MTMR7: variants seen among roughly 807,000 people sequenced by gnomAD.
MTMR7 encodes the protein myotubularin related protein 7, also known as phosphatidylinositol-3-phosphate phosphatase MTMR7.
A neutral mutation model predicts 81.2 loss-of-function variants in MTMR7; 76 were observed. The observed-to-expected ratio is 0.94, with a 90% CI of 0.78 to 1.13. MTMR7 has a LOEUF of 1.13. Among genes scored for constraint, MTMR7 ranks in the 50% most tolerant of loss-of-function variants. The probability of loss-of-function intolerance (pLI) is 0.00; values close to 1 mark genes in which losing one functional copy is unlikely to be tolerated. For synonymous variants in MTMR7, 372 were observed against 289.8 expected, an observed-to-expected ratio of 1.28 and a Z score of -2.88; for missense variants, 1,044 against 820.0, an observed-to-expected ratio of 1.27 and a Z score of -3.34.
chr8:17,362,982 A>T (rs1820103312), intron 3 of MTMR7, among the ~76,000 whole-genome samples: 1 of 152,240 alleles, frequency 6.6e-6, no homozygotes, highest in Non-Finnish European at 1.5e-5. Context: ...TATGTCAGTG[A>T]GATAAATTAT....
chr8:17,301,446 G>A (rs1189004289), intron 13 of MTMR7, among the ~76,000 whole-genome samples: 6 of 152,154 alleles, frequency 3.9e-5, no homozygotes, highest in African/African-American at 1.4e-4. Flanking sequence ...CACAAAGGTA[G>A]GAAGGTCTAA....
chr8:17,398,571 C>A (rs1485813110), intron 1 of MTMR7, among the ~76,000 whole-genome samples: 2 of 151,942 alleles, frequency 1.3e-5, no homozygotes, highest in Non-Finnish European at 2.9e-5. Context: ...AAGCCTCAAA[C>A]GGGCAAATCT....
intron 3 of MTMR7, among the ~76,000 whole-genome samples, chr8:17,369,934 C>T (rs1022939164): frequency 1.3e-5 from 2 of 151,940 alleles, no homozygotes; most frequent in African/African-American, 4.8e-5. Context: ...TGTGAGCCAC[C>T]GCGTCAGGCC....
At chr8:17,407,314 T>G (rs563217525) in intron 1 of MTMR7, among the ~76,000 whole-genome samples, 1 of 152,154 alleles carries the variant, frequency 6.6e-6, no homozygotes, top group African/African-American at 2.4e-5. Flanking sequence ...CCCCTTTAAA[T>G]TAGCAAAAAA....
At chr8:17,374,678 T>A (rs1251996347) in intron 1 of MTMR7, among the ~76,000 whole-genome samples, 1 of 151,912 alleles carries the variant, frequency 6.6e-6, no homozygotes, top group Non-Finnish European at 1.5e-5. Flanking sequence ...CCTGGGGTGG[T>A]AGCAGGTGCC....
chr8:17,405,949 T>C (rs1181283413), intron 1 of MTMR7, among the ~76,000 whole-genome samples: 5 of 152,142 alleles, frequency 3.3e-5, no homozygotes, highest in South Asian at 2.1e-4. Context: ...AATGTTAATA[T>C]ATACACAGCA....
At chr8:17,368,874 ATC>A (rs1820319557) in intron 3 of MTMR7, among the ~76,000 whole-genome samples, 2 of 152,340 alleles carry the variant, frequency 1.3e-5, no homozygotes, top group Admixed American at 6.5e-5. Context: ...AGCCAGTCAG[ATC>A]TCTGTCTACA....
chr8:17,373,395 G>A (rs569918045), intron 1 of MTMR7, among the ~76,000 whole-genome samples, 155 bp from the exon 2 acceptor site: 14 of 152,246 alleles, frequency 9.2e-5, no homozygotes, highest in South Asian at 4.1e-4. Context: ...TAAGTTAATC[G>A]GATCTCAGAG....
chr8:17,315,478 C>T (rs1352108287), intron 7 of MTMR7, among the ~76,000 whole-genome samples: 1 of 152,074 alleles, frequency 6.6e-6, no homozygotes, highest in Non-Finnish European at 1.5e-5. Context: ...TGAGTGATAC[C>T]GATGTGCCAA....
chr8:17,373,360 A>C (rs1169614284), intron 1 of MTMR7, 120 bp from the exon 2 acceptor site: 1 of 1,280,148 alleles, frequency 7.8e-7, no homozygotes, highest in African/African-American at 1.5e-5. Flanking sequence ...AATTCCCCCA[A>C]TAATAAAAAC....
At chr8:17,303,884 G>C (rs894596154) in intron 12 of MTMR7, among the ~76,000 whole-genome samples, 1 of 152,184 alleles carries the variant, frequency 6.6e-6, no homozygotes, top group African/African-American at 2.4e-5. Flanking sequence ...CAATCTTAAT[G>C]TAATTTCCAC....
chr8:17,403,770 T>G (rs1339742894), intron 1 of MTMR7, among the ~76,000 whole-genome samples: 1 of 151,718 alleles, frequency 6.6e-6, no homozygotes, highest in African/African-American at 2.4e-5. Context: ...ATAGTTTGCC[T>G]TTTATAGATC....
chr8:17,326,844 A>T (rs774594584), intron 7 of MTMR7, among the ~76,000 whole-genome samples: 1 of 152,242 alleles, frequency 6.6e-6, no homozygotes, highest in Non-Finnish European at 1.5e-5. Context: ...CTTGAGAAAC[A>T]TCCAGACTCC....
At chr8:17,363,166 T>C (rs1251068033) in intron 3 of MTMR7, among the ~76,000 whole-genome samples, 10 of 152,232 alleles carry the variant, frequency 6.6e-5, no homozygotes, top group Non-Finnish European at 1.3e-4. Context: ...TGACAGCATG[T>C]GAAACCTCAG....
intron 7 of MTMR7, among the ~76,000 whole-genome samples, chr8:17,324,332 C>T (rs1022505510): frequency 1.1e-4 from 16 of 152,208 alleles, no homozygotes; most frequent in Non-Finnish European, 2.4e-4. Context: ...GGTATTGTGC[C>T]TGAGGCTCTG....
intron 1 of MTMR7, among the ~76,000 whole-genome samples, chr8:17,396,893 T>C (rs1011950024): frequency 6.6e-6 from 1 of 151,634 alleles, no homozygotes; most frequent in African/African-American, 2.4e-5. Flanking sequence ...TACAAAAGGA[T>C]CAGATACCAG....
intron 7 of MTMR7, among the ~76,000 whole-genome samples, chr8:17,319,328 A>G (rs1019403940): frequency 3.9e-5 from 6 of 152,200 alleles, no homozygotes; most frequent in African/African-American, 7.2e-5. Context: ...CATAAAGAAG[A>G]TTCCCGAAAA....
intron 4 of MTMR7, among the ~76,000 whole-genome samples, chr8:17,356,585 G>C (rs547063013): frequency 1.3e-5 from 2 of 151,914 alleles, no homozygotes; most frequent in Non-Finnish European, 2.9e-5. Flanking sequence ...GTGGTGGTGG[G>C]TGTCTGTAAT....
chr8:17,323,222 C>A (rs912692396), intron 7 of MTMR7, among the ~76,000 whole-genome samples: 1 of 151,990 alleles, frequency 6.6e-6, no homozygotes, highest in African/African-American at 2.4e-5. Context: ...GCTGAGATTA[C>A]AGGTATGAGC....
Sources: allele counts gnomAD v4.1 joint callset (sites outside exome capture counted in the v4.1 genomes callset), GRCh38; gene constraint gnomAD v4.1.1; transcripts MANE v1.5; gene names NCBI Gene and HGNC (gene_info 2026-07-23, HGNC 2026-07-21).